Variants in RAB6B observed in about 807,000 individuals in gnomAD.
The protein encoded by RAB6B is RAB6B, member RAS oncogene family, also known as ras-related protein Rab-6B.
RAB6B carries 7 observed loss-of-function variants against 31.2 expected under a neutral mutation model. The observed-to-expected ratio is 0.22, with a 90% CI of 0.13 to 0.42. The LOEUF is 0.42. Among genes scored for constraint, RAB6B ranks in the 10% least tolerant of loss-of-function variants. The probability of loss-of-function intolerance (pLI) is 1.00; values close to 1 mark genes in which losing one functional copy is unlikely to be tolerated. For synonymous variants in RAB6B, 105 were observed against 104.9 expected, an observed-to-expected ratio of 1.00 and a Z score of -0.01; for missense variants, 149 against 280.6, an observed-to-expected ratio of 0.53 and a Z score of 3.35.
chr3:133,847,977 C>T (rs969329486), intron 2 of RAB6B, among the ~76,000 whole-genome samples: 8 of 152,158 alleles, frequency 5.3e-5, no homozygotes, highest in African/African-American at 1.4e-4. Context: ...CATTTACTCT[C>T]GATGCTTCAA....
chr3:133,878,263 C>CA lies in RAB6B; in HGVS notation c.71-13622dup, dbSNP rs1221646853. Among the ~76,000 whole-genome samples the CA allele has an allele frequency of 4.0e-5, 6 of 151,030 alleles. No individual in the cohort carries two copies. The East Asian group carries it at 5.8e-4, about 15-fold the overall frequency. On this transcript the variant is annotated intron_variant, in intron 1 of 7. Transcript: ENST00000285208. Reference sequence around the variant, plus strand: ...CTTAGTCAAATTGCATAGTCAGTGACAAAAAAAATCATAAAAGTAGTCAGA... The same window carrying CA: ...CTTAGTCAAATTGCATAGTCAGTGACAAAAAAAAATCATAAAAGTAGTCAGA...
rs1935828812 is a variant in RAB6B, at chr3:133,841,456, G to C, written c.184-66C>G. The stretch of plus-strand genomic sequence containing the variant: ...GGGGCAGTGAGGTCCTCCTGGTCCG[G>C]GGGACTGGGAGAGCCGGGCTCTGCA... On this transcript the variant is annotated intron_variant, in intron 3 of 7. Transcript: ENST00000285208. 2.6e-6 allele frequency: 4 copies of C among 1,568,070 alleles called. No individual in the cohort carries two copies. The East Asian group carries it at 9.0e-5, about 35-fold the overall frequency.
rs528243699 is a variant in RAB6B, at chr3:133,839,592, A to G, written c.315T>C (p.Ser105=). 1 of 1,614,094 alleles carries G rather than the reference A, an allele frequency of 6.2e-7. No homozygotes were observed. The highest frequency in any genetic ancestry group is 1.1e-5 in the South Asian group (1 of 91,074). ...CTGTCCTGACGTCGTCGATCCACTT[A>G]GAGGTCTGTTGGAAGGAGTTGAGAT... is the stretch of plus-strand genomic sequence containing the variant. ...ITNLNSFQQT[S]KWIDDVRTER... Residue 105 remains serine (S), a synonymous_variant, in exon 5 of 8, where the codon TCT becomes TCC. Coordinates refer to ENST00000285208, the MANE Select transcript of RAB6B (RefSeq NM_016577.4).
intron 3 of RAB6B, 29 bp downstream of exon 3, chr3:133,841,581 C>T (rs1337674770): frequency 6.2e-7 from 1 of 1,612,036 alleles, no homozygotes; most frequent in Non-Finnish European, 8.5e-7. Context: ...CCCTCCCTGC[C>T]CCTCCCAGTC....
chr3:133,862,284 A>T lies in RAB6B; in HGVS notation c.129+2300T>A, dbSNP rs553825866. On this transcript the variant is annotated intron_variant, in intron 2 of 7. Coordinates refer to ENST00000285208, the MANE Select transcript of RAB6B (RefSeq NM_016577.4). ...ATGCTGTTTTTTTTGTGTGTGTGCCAGCAGGCACTGGTGATACCAACTATG... is the reference window on the plus strand; with the variant it reads ...ATGCTGTTTTTTTTGTGTGTGTGCCTGCAGGCACTGGTGATACCAACTATG... 2.0e-5 allele frequency among the ~76,000 whole-genome samples: 3 copies of T among 152,278 alleles called. No individual in the cohort carries two copies. The East Asian group carries it at 5.8e-4, about 29-fold the overall frequency.
chr3:133,870,189 C>G (rs1396947426), intron 1 of RAB6B, among the ~76,000 whole-genome samples: 3 of 152,190 alleles, frequency 2.0e-5, no homozygotes, highest in Non-Finnish European at 4.4e-5. Context: ...AAAGGAGAAA[C>G]AGGCACCTTC....
intron 2 of RAB6B, among the ~76,000 whole-genome samples, chr3:133,842,412 G>C (rs1385264223): frequency 6.6e-6 from 1 of 152,228 alleles, no homozygotes; most frequent in African/African-American, 2.4e-5. Context: ...CAGGCACCCG[G>C]TACCTGTCAG....
chr3:133,869,499 G>T (rs1936286635), intron 1 of RAB6B, among the ~76,000 whole-genome samples: 1 of 152,250 alleles, frequency 6.6e-6, no homozygotes, highest in African/African-American at 2.4e-5. Flanking sequence ...GCTTCAGAAA[G>T]GATCTTCAGC....
At chr3:133,830,382 T>G (rs1471745576) in intron 7 of RAB6B, among the ~76,000 whole-genome samples, 1 of 152,204 alleles carries the variant, frequency 6.6e-6, no homozygotes, top group African/African-American at 2.4e-5. Context: ...GCCTCCCCAT[T>G]TAGGGTCACC....
chr3:133,892,010 A>C (rs1446605151), intron 1 of RAB6B, among the ~76,000 whole-genome samples: 1 of 152,144 alleles, frequency 6.6e-6, no homozygotes, highest in African/African-American at 2.4e-5. Flanking sequence ...CACCACACAC[A>C]CTGAGATGTG....
At chr3:133,860,433 G>C (rs1259139847) in intron 2 of RAB6B, among the ~76,000 whole-genome samples, 1 of 152,180 alleles carries the variant, frequency 6.6e-6, no homozygotes, top group Admixed American at 6.5e-5. Context: ...CTCTCCCAGA[G>C]CCTTCTGAGA....
intron 1 of RAB6B, among the ~76,000 whole-genome samples, chr3:133,873,650 A>G (rs1936355390): frequency 6.6e-6 from 1 of 152,234 alleles, no homozygotes; most frequent in African/African-American, 2.4e-5. Context: ...ACTGAGGTAC[A>G]ATCAATAAAC....
chr3:133,888,546 C>A lies in RAB6B; in HGVS notation c.70+6851G>T, dbSNP rs558968594. ...GCCCCTTGGGACAGGTGATGGCTGG[C>A]CCAGAGCATGTGATCTGGTCACCTG... On this transcript the variant is annotated intron_variant, in intron 1 of 7. Transcript: ENST00000285208. 3.3e-5 allele frequency among the ~76,000 whole-genome samples: 5 copies of A among 152,296 alleles called. No individual in the cohort carries two copies. The South Asian group carries it at 8.3e-4, about 25-fold the overall frequency.
At position 133,825,834 on chromosome 3, in the gene RAB6B, A is replaced by T. The variant is rs1935553334; in HGVS notation, c.*2954T>A. On this transcript the variant is annotated 3_prime_UTR_variant, in exon 8 of 8. Coordinates refer to ENST00000285208, the MANE Select transcript of RAB6B (RefSeq NM_016577.4). ...GTCTAGTCTTTGGGGAGAGGGACTGAATTGCTCAATTGAGAACATTTCCTC... is the reference window on the plus strand; with the variant it reads ...GTCTAGTCTTTGGGGAGAGGGACTGTATTGCTCAATTGAGAACATTTCCTC... The T allele has an allele frequency of 1.3e-5, 2 of 152,170 alleles. No individual in the cohort carries two copies. Among genetic ancestry groups the T allele is most frequent in the South Asian group, 4.1e-4 (2 of 4,824 alleles). The allele number at this position is 152,170 out of a possible 1,614,324, so 9.4% of individuals were successfully genotyped here.
chr3:133,867,767 A>C (rs1467528963), intron 1 of RAB6B, among the ~76,000 whole-genome samples: 1 of 152,186 alleles, frequency 6.6e-6, no homozygotes, highest in Non-Finnish European at 1.5e-5. Context: ...GAGGGCTCAG[A>C]AAGTGAGGGT....
chr3:133,836,378 G>T (rs1935734914), intron 6 of RAB6B, among the ~76,000 whole-genome samples: 1 of 124,330 alleles, frequency 8.0e-6, no homozygotes, highest in South Asian at 2.4e-4. Flanking sequence ...AATGCCACTA[G>T]GGATTTTGAA....
At chr3:133,834,720 C>T in intron 6 of RAB6B, 79 bp from the exon 7 acceptor site, 1 of 1,319,130 alleles carries the variant, frequency 7.6e-7, no homozygotes, top group Admixed American at 1.7e-5. Flanking sequence ...CACCCTCACC[C>T]CTCTTCCCCT....
chr3:133,839,577 G>A lies in RAB6B; in HGVS notation c.330C>T (p.Asp110=), dbSNP rs532227495. Residue 110 remains aspartate, a synonymous_variant, in exon 5 of 8, where the codon GAC becomes GAT. Transcript: ENST00000285208. ...SFQQTSKWID[D]VRTERGSDVI... is the part of the protein sequence containing the mutation. The stretch of plus-strand genomic sequence containing the variant: ...CATCACTGCCCCTCTCTGTCCTGAC[G>A]TCGTCGATCCACTTAGAGGTCTGTT... 16 of 1,614,176 alleles carry A rather than the reference G, an allele frequency of 9.9e-6. No individual in the cohort carries two copies. The highest frequency in any genetic ancestry group is 8.0e-5 in the African/African-American group (6 of 75,052).
chr3:133,828,926 C>T (rs1317556734), intron 7 of RAB6B, 74 bp from the exon 8 acceptor site: 2 of 1,327,166 alleles, frequency 1.5e-6, no homozygotes, highest in Non-Finnish European at 2.1e-6. Context: ...TGCACTGTAC[C>T]CTTTGGCTAC....
Sources: allele counts gnomAD v4.1 joint callset (sites outside exome capture counted in the v4.1 genomes callset), GRCh38; gene constraint gnomAD v4.1.1; transcripts MANE v1.5; gene names NCBI Gene and HGNC (gene_info 2026-07-23, HGNC 2026-07-21).